ST8SIA6: variants seen among roughly 807,000 people sequenced by gnomAD.
ST8SIA6 encodes the protein alpha-2,8-sialyltransferase 8F.
ST8SIA6 carries 39 observed loss-of-function variants against 33.6 expected under a neutral mutation model. That is an observed-to-expected ratio of 1.16 (90% CI 0.90 to 1.52). The LOEUF (loss-of-function observed/expected upper bound fraction) is 1.52, where lower values mean the gene tolerates loss of function less well. Among genes scored for constraint, ST8SIA6 ranks in the 40% most tolerant of loss-of-function variants. ST8SIA6 has a pLI of 0.00. For missense variants in ST8SIA6, 441 were observed against 443.8 expected (o/e 0.99, Z 0.06); for synonymous variants, 172 against 167.2 (o/e 1.03, Z -0.22).
chr10:17,406,604 A>AC (rs1368607638), intron 2 of ST8SIA6, among the ~76,000 whole-genome samples: 2 of 152,114 alleles, frequency 1.3e-5, no homozygotes, highest in Non-Finnish European at 2.9e-5. Context: ...AGGAAGAGTT[A>AC]CTTTTTTCTC....
chr10:17,356,334 C>A (rs1849188529), intron 4 of ST8SIA6, among the ~76,000 whole-genome samples: 1 of 151,674 alleles, frequency 6.6e-6, no homozygotes, highest in African/African-American at 2.4e-5. Context: ...AAATAAATGT[C>A]TGTGTGCCTG....
intron 4 of ST8SIA6, among the ~76,000 whole-genome samples, chr10:17,339,279 C>T (rs1170659199): frequency 6.6e-6 from 1 of 152,048 alleles, no homozygotes. Context: ...GTTCACAGAC[C>T]GAGGCTAACG....
intron 2 of ST8SIA6, among the ~76,000 whole-genome samples, chr10:17,423,342 T>C (rs1390070902): frequency 6.6e-6 from 1 of 152,216 alleles, no homozygotes; most frequent in Non-Finnish European, 1.5e-5. Flanking sequence ...CCTTGTCATC[T>C]GTTTTCGTAG....
intron 2 of ST8SIA6, among the ~76,000 whole-genome samples, chr10:17,449,873 G>C (rs1237263781): frequency 1.3e-5 from 2 of 152,160 alleles, no homozygotes; most frequent in African/African-American, 4.8e-5. Context: ...CTAGTGACAA[G>C]AGTAATAACA....
At chr10:17,328,870 G>T (rs1268894054) in intron 5 of ST8SIA6, among the ~76,000 whole-genome samples, 4 of 152,192 alleles carry the variant, frequency 2.6e-5, no homozygotes, top group Non-Finnish European at 5.9e-5. Context: ...CAGGAATTTT[G>T]TGAGCTGGTT....
intron 5 of ST8SIA6, among the ~76,000 whole-genome samples, chr10:17,327,955 T>C (rs1231107907): frequency 6.6e-6 from 1 of 152,168 alleles, no homozygotes; most frequent in Non-Finnish European, 1.5e-5. Flanking sequence ...TAAATCATTA[T>C]GTGAACCTAA....
chr10:17,336,108 G>A (rs544993422), intron 4 of ST8SIA6, among the ~76,000 whole-genome samples: 98 of 151,824 alleles, frequency 6.5e-4, no homozygotes, highest in Non-Finnish European at 5.9e-5. Context: ...GTCGTGCACC[G>A]ACACGCCCGG....
At position 17,333,703 on chromosome 10, in the gene ST8SIA6, A is replaced by T. The variant is rs868810368; in HGVS notation, c.378-2151T>A. Among the ~76,000 whole-genome samples, 36 of 24,372 alleles carry T rather than the reference A, an allele frequency of 1.5e-3. 5 individuals are homozygous for T. Among genetic ancestry groups the T allele is most frequent in the South Asian group, 2.3e-3 (2 of 854 alleles). The allele number at this position is 24,372 out of a possible 152,430, so 16.0% of individuals were successfully genotyped here. A position where few individuals can be genotyped will look rare whatever the true frequency, so the allele number is the denominator to read the frequency against. On this transcript the variant is annotated intron_variant, in intron 4 of 7. Transcript: ENST00000377602. ...TATATATATATATATATATATATATATATATATATATATATTTTTTTTTTT... is the reference window on the plus strand; with the variant it reads ...TATATATATATATATATATATATATTTATATATATATATATTTTTTTTTTT...
At chr10:17,426,734 G>A (rs563441340) in intron 2 of ST8SIA6, among the ~76,000 whole-genome samples, 1 of 152,204 alleles carries the variant, frequency 6.6e-6, no homozygotes, top group African/African-American at 2.4e-5. Flanking sequence ...CCAAAATCCT[G>A]TCCCTTCTTG....
chr10:17,334,772 G>C (rs2131590004), intron 4 of ST8SIA6, among the ~76,000 whole-genome samples: 1 of 152,182 alleles, frequency 6.6e-6, no homozygotes, highest in East Asian at 1.9e-4. Context: ...GATTACCATG[G>C]AGTGAAACAT....
chr10:17,433,442 C>G (rs1852161641), intron 2 of ST8SIA6, among the ~76,000 whole-genome samples: 1 of 152,172 alleles, frequency 6.6e-6, no homozygotes. Flanking sequence ...CAAAGAGATA[C>G]CATTTTCGCC....
At chr10:17,404,874 T>C (rs763725711) in intron 2 of ST8SIA6, among the ~76,000 whole-genome samples, 6 of 152,220 alleles carry the variant, frequency 3.9e-5, no homozygotes, top group Non-Finnish European at 8.8e-5. Context: ...TACTTTCTTC[T>C]TTAACTGAGC....
At chr10:17,333,103 A>G (rs754040259) in intron 4 of ST8SIA6, among the ~76,000 whole-genome samples, 1 of 152,172 alleles carries the variant, frequency 6.6e-6, no homozygotes, top group Non-Finnish European at 1.5e-5. Flanking sequence ...TCAACAACAG[A>G]CAAGCAGAGA....
chr10:17,453,924 C>T (rs958641725), intron 1 of ST8SIA6, among the ~76,000 whole-genome samples: 6 of 152,140 alleles, frequency 3.9e-5, no homozygotes, highest in Admixed American at 2.0e-4. Context: ...CGCTAGAGCC[C>T]CCGCAGCCCT....
At chr10:17,447,363 G>A (rs772604869) in intron 2 of ST8SIA6, among the ~76,000 whole-genome samples, 12 of 152,010 alleles carry the variant, frequency 7.9e-5, no homozygotes, top group East Asian at 1.9e-4. Flanking sequence ...CTAAGATTGC[G>A]CCACTGCTCT....
intron 4 of ST8SIA6, among the ~76,000 whole-genome samples, chr10:17,358,640 G>A (rs1430609501): frequency 7.9e-6 from 1 of 127,224 alleles, no homozygotes; most frequent in Non-Finnish European, 1.7e-5. Flanking sequence ...GAAGGAAGGA[G>A]AAGAAAAAGA....
chr10:17,420,489 A>G (rs1851747323), intron 2 of ST8SIA6, among the ~76,000 whole-genome samples: 1 of 152,146 alleles, frequency 6.6e-6, no homozygotes, highest in African/African-American at 2.4e-5. Flanking sequence ...TCATGTGAAT[A>G]TTTGCATTAC....
chr10:17,335,630 A>C (rs1443902860), intron 4 of ST8SIA6, among the ~76,000 whole-genome samples: 1 of 152,224 alleles, frequency 6.6e-6, no homozygotes, highest in Non-Finnish European at 1.5e-5. Flanking sequence ...CCATTCAAAA[A>C]AGATGGTTCA....
rs760308501 is a variant in ST8SIA6, at chr10:17,321,199, T to C, written c.876A>G (p.Ala292=). Reference sequence around the variant, plus strand: ...GATGGAAAAATAGAACCTTTTGTCTTGCTTTAGACTCTTCGAGCGTGTAGT... The same window carrying C: ...GATGGAAAAATAGAACCTTTTGTCTCGCTTTAGACTCTTCGAGCGTGTAGT... ...KVYYTLEESK[A]RQKVLFFHPK... is the part of the protein sequence containing the mutation. Residue 292 remains alanine, a synonymous_variant, in exon 8 of 8, where the codon GCA becomes GCG. Transcript: ENST00000377602. The C allele has an allele frequency of 2.5e-6, 4 of 1,614,008 alleles. No homozygotes were observed. In the East Asian group the frequency reaches 8.9e-5, roughly 36 times the overall value.
Sources: allele counts gnomAD v4.1 joint callset (sites outside exome capture counted in the v4.1 genomes callset), GRCh38; gene constraint gnomAD v4.1.1; transcripts MANE v1.5; gene names NCBI Gene and HGNC (gene_info 2026-07-23, HGNC 2026-07-21).